HIBCH: variants seen among roughly 807,000 people sequenced by gnomAD.
HIBCH encodes the protein 3-hydroxyisobutyryl-CoA hydrolase.
HIBCH carries 50 observed loss-of-function variants against 58.2 expected under a neutral mutation model. That is an observed-to-expected ratio of 0.86 (90% CI 0.68 to 1.09). The LOEUF is 1.09. HIBCH is among the 50% of genes least tolerant of loss of function. The probability of loss-of-function intolerance (pLI) is 0.00; values close to 1 mark genes in which losing one functional copy is unlikely to be tolerated. For missense variants in HIBCH, 450 were observed against 449.7 expected (o/e 1.00, Z -0.01); for synonymous variants, 151 against 146.9 (o/e 1.03, Z -0.20).
chr2:190,292,804 T>G (rs1423068806), intron 4 of HIBCH, among the ~76,000 whole-genome samples: 2 of 152,234 alleles, frequency 1.3e-5, no homozygotes, highest in Non-Finnish European at 2.9e-5. Context: ...ATGAAGCTCT[T>G]TTACCTCAAA....
At chr2:190,198,624 C>T (rs1690088662) in intron 1 of HIBCH, among the ~76,000 whole-genome samples, 1 of 117,816 alleles carries the variant, frequency 8.5e-6, no homozygotes, top group Non-Finnish European at 1.8e-5. Flanking sequence ...AGAGTAAGAC[C>T]CTGTCTCAAA....
At chr2:190,286,312 C>T (rs939266261) in intron 6 of HIBCH, among the ~76,000 whole-genome samples, 3 of 152,154 alleles carry the variant, frequency 2.0e-5, no homozygotes, top group African/African-American at 7.2e-5. Flanking sequence ...ATATGACTGT[C>T]CATTGTTCAC....
intron 6 of HIBCH, among the ~76,000 whole-genome samples, chr2:190,282,509 C>G (rs989617139): frequency 3.3e-5 from 5 of 152,272 alleles, no homozygotes; most frequent in East Asian, 3.9e-4. Context: ...AAGAACTAAC[C>G]CAGTCTTGCA....
chr2:190,261,077 T>C (rs772737862), intron 7 of HIBCH, 79 bp downstream of exon 7: 51 of 1,071,154 alleles, frequency 4.8e-5, no homozygotes, highest in Non-Finnish European at 6.9e-5. Flanking sequence ...CATCAATTCC[T>C]TCAACAACAG....
intron 11 of HIBCH, among the ~76,000 whole-genome samples, chr2:190,232,250 A>G (rs1686122715): frequency 6.6e-6 from 1 of 152,220 alleles, no homozygotes; most frequent in South Asian, 2.1e-4. Context: ...ATAGAAAATT[A>G]AATTTTAAAA....
chr2:190,286,607 C>T (rs1402313922), intron 6 of HIBCH, among the ~76,000 whole-genome samples: 1 of 152,190 alleles, frequency 6.6e-6, no homozygotes, highest in African/African-American at 2.4e-5. Flanking sequence ...CTCACTTCTT[C>T]AAAGGCTAAT....
rs1018202861 is a variant in HIBCH at position 190,236,561 on chromosome 2, C to T, written c.891+8326G>A. Among the ~76,000 whole-genome samples, 1 of 152,162 alleles carries T rather than the reference C, an allele frequency of 6.6e-6. No individual in the cohort carries two copies. The highest frequency in any genetic ancestry group is 6.6e-5 in the Admixed American group (1 of 15,266). On this transcript the variant is annotated intron_variant, in intron 11 of 13. Coordinates refer to ENST00000359678, the MANE Select transcript of HIBCH (RefSeq NM_014362.4). This position sits in a 1 kb window ranked among gnomAD's most constrained non-coding sequence, Gnocchi z 4.1. ...AACAAGAACAAGTCAATGTCTATTT[C>T]ATTGACTAGTGCAGTTTCACAGAAA...
chr2:190,284,273 G>T (rs1687777602), intron 6 of HIBCH, among the ~76,000 whole-genome samples: 1 of 152,046 alleles, frequency 6.6e-6, no homozygotes, highest in Non-Finnish European at 1.5e-5. Context: ...TTACATATGA[G>T]GAATATATAC....
intron 1 of HIBCH, among the ~76,000 whole-genome samples, chr2:190,195,515 G>C (rs1373522720): frequency 6.6e-6 from 1 of 152,134 alleles, no homozygotes; most frequent in African/African-American, 2.4e-5. Flanking sequence ...ACATGATGTT[G>C]AACACTTTTC....
chr2:190,213,091 A>G lies in HIBCH; in HGVS notation c.892-16T>C. 6.3e-7 allele frequency: 1 copy of G among 1,576,474 alleles called. No individual in the cohort carries two copies. Among genetic ancestry groups the G allele is most frequent in the Non-Finnish European group, 8.7e-7 (1 of 1,146,362 alleles). ...TATTAATTACCTTTTGGAGGAAAAA[A>G]TTTACTACTGTTAGTCCAATAGTTC... On this transcript the variant is annotated splice_polypyrimidine_tract_variant and intron_variant, in intron 11 of 13. Coordinates refer to ENST00000359678, the MANE Select transcript of HIBCH (RefSeq NM_014362.4).
chr2:190,282,372 G>A (rs2105976642), intron 6 of HIBCH, among the ~76,000 whole-genome samples: 1 of 152,264 alleles, frequency 6.6e-6, no homozygotes, highest in South Asian at 2.1e-4. Context: ...TTCTAGTGAG[G>A]GCCTTATGTT....
At chr2:190,205,433 T>A (rs560678377) in intron 13 of HIBCH, among the ~76,000 whole-genome samples, 1 of 152,198 alleles carries the variant, frequency 6.6e-6, no homozygotes, top group East Asian at 1.9e-4. Context: ...ATGACTGGGG[T>A]GGATATTTTC....
chr2:190,200,402 G>T (rs1690194956), downstream of HIBCH: 1 of 397,456 alleles, frequency 2.5e-6, no homozygotes, highest in African/African-American at 2.0e-5. Context: ...ATAATCAGCT[G>T]AATGTCACAG....
At chr2:190,288,703 TTAAAA>T (rs927992383) in intron 5 of HIBCH, among the ~76,000 whole-genome samples, 19 of 152,050 alleles carry the variant, frequency 1.2e-4, no homozygotes, top group Admixed American at 7.2e-4. Flanking sequence ...TAGTTCAAAC[TTAAAA>T]TAAAAGCTAA....
chr2:190,209,565 GAGA>G lies in HIBCH; in HGVS notation c.1012-655_1012-653del, dbSNP rs368345426. Among the ~76,000 whole-genome samples, 1,015 of 152,170 alleles carry G rather than the reference GAGA, an allele frequency of 6.7e-3. 12 individuals carry two copies. The highest frequency in any genetic ancestry group is 0.022 in the African/African-American group (922 of 41,506). On this transcript the variant is annotated intron_variant, in intron 12 of 13. Coordinates refer to ENST00000359678, the MANE Select transcript of HIBCH (RefSeq NM_014362.4). This position sits in a 1 kb window ranked among gnomAD's most constrained non-coding sequence, Gnocchi z 5.6. Reference sequence around the variant, plus strand: ...TAACCTCTGACTTCTTTAAAAATACGAGAAGCTCTTAGATATGAAGTCTTGTCT... The same window carrying G: ...TAACCTCTGACTTCTTTAAAAATACGAGCTCTTAGATATGAAGTCTTGTCT...
At chr2:190,190,165 A>C (rs1689646032) in intron 1 of HIBCH, among the ~76,000 whole-genome samples, 1 of 152,214 alleles carries the variant, frequency 6.6e-6, no homozygotes, top group Admixed American at 6.5e-5. Flanking sequence ...CTAACATACC[A>C]ATTAAGATAT....
intron 8 of HIBCH, among the ~76,000 whole-genome samples, chr2:190,250,013 AATTTT>A (rs779583909): frequency 4.6e-5 from 7 of 152,136 alleles, no homozygotes; most frequent in Non-Finnish European, 8.8e-5. Context: ...CCTACATATA[AATTTT>A]ATTTTATTTT....
At chr2:190,275,312 T>C (rs1255882776) in intron 6 of HIBCH, among the ~76,000 whole-genome samples, 1 of 152,194 alleles carries the variant, frequency 6.6e-6, no homozygotes, top group Admixed American at 6.5e-5. Context: ...AATTTAAGGA[T>C]TGTCCTCTGT....
At chr2:190,314,844 T>C (rs1688673138) in intron 1 of HIBCH, among the ~76,000 whole-genome samples, 1 of 152,228 alleles carries the variant, frequency 6.6e-6, no homozygotes. Context: ...CCTCAAAATG[T>C]AATTGAGAAT....
Sources: allele counts gnomAD v4.1 joint callset (sites outside exome capture counted in the v4.1 genomes callset), GRCh38; gene constraint gnomAD v4.1.1; non-coding constraint Gnocchi (gnomAD v3.1); transcripts MANE v1.5; gene names NCBI Gene and HGNC (gene_info 2026-07-23, HGNC 2026-07-21).